Variants in HEATR5B observed in about 807,000 individuals in gnomAD.
HEATR5B encodes HEAT repeat-containing protein 5B.
HEATR5B carries 156 observed loss-of-function variants against 224.1 expected under a neutral mutation model. The ratio of observed to expected loss-of-function variants is 0.70; its 90% CI spans 0.61 to 0.80. The LOEUF is 0.80. Ranked by LOEUF, HEATR5B falls within the 30% of genes least tolerant of loss-of-function variation. The pLI is 0.00. For synonymous variants in HEATR5B, 1,027 were observed against 893.0 expected (o/e 1.15, Z -2.68); for missense variants, 2,323 against 2,535.5 (o/e 0.92, Z 1.80).
At chr2:37,052,554 G>T (rs1398297876) in intron 17 of HEATR5B, among the ~76,000 whole-genome samples, 1 of 152,094 alleles carries the variant, frequency 6.6e-6, no homozygotes, top group Non-Finnish European at 1.5e-5. Flanking sequence ...TTTGGCATAT[G>T]ATATTATTTC....
intron 33 of HEATR5B, among the ~76,000 whole-genome samples, chr2:36,999,129 C>T (rs879612666): frequency 6.6e-6 from 1 of 151,990 alleles, no homozygotes; most frequent in Admixed American, 6.6e-5. Flanking sequence ...AGGAGAATTG[C>T]TTGAACTGGG....
chr2:37,010,215 C>T (rs1667700788), intron 27 of HEATR5B, among the ~76,000 whole-genome samples: 1 of 152,056 alleles, frequency 6.6e-6, no homozygotes, highest in Admixed American at 6.6e-5. Flanking sequence ...TGACAGCAAG[C>T]AAGAAAAGAA....
At chr2:36,990,420 TG>T (rs3839060) in intron 34 of HEATR5B, among the ~76,000 whole-genome samples, 4,289 of 152,348 alleles carry the variant, frequency 0.028, 92 homozygotes, top group East Asian at 0.12. Context: ...CAGTATGCCC[TG>T]GGGTTAATCA....
chr2:37,033,359 A>C (rs567341642), intron 21 of HEATR5B, among the ~76,000 whole-genome samples: 19 of 152,344 alleles, frequency 1.2e-4, no homozygotes, highest in Non-Finnish European at 2.1e-4. Flanking sequence ...CTCATACAAT[A>C]TACTTAAATG....
Position 37,002,406 on chromosome 2 carries a change from A to C in HEATR5B, c.5217T>G (p.Ser1739Arg), listed in dbSNP as rs1667147833. The C allele has an allele frequency of 6.2e-7, 1 of 1,614,094 alleles. No homozygotes were observed. Among genetic ancestry groups the C allele is most frequent in the Non-Finnish European group, 8.5e-7 (1 of 1,180,046 alleles). ...HLSTKVSDSP[S>R]HIATKTRLSE... is the part of the protein sequence containing the mutation. Reference sequence around the variant, plus strand: ...ATAGTCGAGTTTTAGTGGCTATGTGACTTGGAGAGTCTGACACCTTGGTAC... The same window carrying C: ...ATAGTCGAGTTTTAGTGGCTATGTGCCTTGGAGAGTCTGACACCTTGGTAC... The change falls in exon 32 of 36, where the codon AGT (serine) becomes AGG (arginine). Residue 1739 changes from serine (S) to arginine (R), a missense_variant. Around this residue, in one of 12 missense-constraint regions of HEATR5B, gnomAD observed 844 missense variants for 812.9 expected, o/e 1.04. Transcript: ENST00000233099.
chr2:37,071,473 TG>T (rs1210362258), intron 6 of HEATR5B, among the ~76,000 whole-genome samples: 1 of 152,124 alleles, frequency 6.6e-6, no homozygotes, highest in Non-Finnish European at 1.5e-5. Flanking sequence ...GTGGTACAAA[TG>T]GGGATCTACT....
intron 35 of HEATR5B, 64 bp downstream of exon 35, chr2:36,988,582 T>C (rs1325905871): frequency 7.3e-7 from 1 of 1,377,864 alleles, no homozygotes; most frequent in African/African-American, 1.5e-5. Context: ...TAATATCAAA[T>C]AAGATTTATA....
chr2:37,005,715 T>C lies in HEATR5B; in HGVS notation c.4822A>G (p.Ile1608Val), dbSNP rs181115658. 2 of 1,610,840 alleles carry C rather than the reference T, an allele frequency of 1.2e-6. No individual in the cohort carries two copies. The highest frequency in any genetic ancestry group is 1.3e-5 in the African/African-American group (1 of 74,898). ...TGCAGGCATGCTGTAACATGTTCAA[T>C]GGGCTCCTCAGGTCTAGGGGAACAA... ...FLCSPRPEEPIEHVTACLQAL... is the reference protein window; with the variant it reads ...FLCSPRPEEPVEHVTACLQAL... The change falls in exon 30 of 36, where the codon ATT (isoleucine) becomes GTT (valine). Residue 1608 changes from isoleucine (I) to valine (V), a missense_variant. By Grantham distance (29) the Ile-to-Val change is conservative. Transcript: ENST00000233099.
At position 37,061,999 on chromosome 2, in the gene HEATR5B, T is replaced by G; in HGVS notation, c.1636A>C (p.Arg546=). Residue 546 remains arginine (R), a synonymous_variant, in exon 11 of 36, where the codon AGG becomes CGG. Coordinates refer to ENST00000233099, the MANE Select transcript of HEATR5B (RefSeq NM_019024.3). ...GCTTGGGTGCGCTGTAAAGATAGCC[T>G]GCTATTTTGGGCAGCAGTTCGTAAA... is the stretch of plus-strand genomic sequence containing the variant. ...DLLRTAAQNS[R]LSLQRTQAGW... The G allele has an allele frequency of 1.9e-6, 3 of 1,613,968 alleles. No homozygotes were observed. Among genetic ancestry groups the G allele is most frequent in the Non-Finnish European group, 2.5e-6 (3 of 1,179,862 alleles).
Position 37,013,861 on chromosome 2 carries a change from C to A in HEATR5B, c.4264G>T (p.Val1422Phe). The A allele has an allele frequency of 1.3e-6, 2 of 1,593,062 alleles. No homozygotes were observed. The highest frequency in any genetic ancestry group is 1.1e-5 in the South Asian group (1 of 87,166). Residue 1422 changes from valine to phenylalanine, a missense_variant, in exon 27 of 36, where the codon GTT becomes TTT. Around this residue, in one of 12 missense-constraint regions of HEATR5B, gnomAD observed 844 missense variants for 812.9 expected, o/e 1.04. Coordinates refer to ENST00000233099, the MANE Select transcript of HEATR5B (RefSeq NM_019024.3). ...GTTACCTCTGCCCAAGCTTTGAGAACAGCCAGTTTTTCCATGGTCGTGGCA... is the reference window on the plus strand; with the variant it reads ...GTTACCTCTGCCCAAGCTTTGAGAAAAGCCAGTTTTTCCATGGTCGTGGCA... The part of the protein sequence containing the change: ...ESATTMEKLA[V>F]LKAWAEVYVV...
rs150308514 is a variant in HEATR5B, at chr2:37,018,326, A to C, written c.4104+1483T>G. On this transcript the variant is annotated intron_variant, in intron 26 of 35. Transcript: ENST00000233099. Reference sequence around the variant, plus strand: ...GCATTGTAGGAGATTTTGTCTGCTTAAATGCTGTGCTCTGAAACGTCATCA... The same window carrying C: ...GCATTGTAGGAGATTTTGTCTGCTTCAATGCTGTGCTCTGAAACGTCATCA... 1.4e-3 allele frequency among the ~76,000 whole-genome samples: 213 copies of C among 152,352 alleles called. 1 individual carries two copies. Among genetic ancestry groups the C allele is most frequent in the African/African-American group, 5.0e-3 (209 of 41,590 alleles).
chr2:36,981,671 T>G lies in HEATR5B; in HGVS notation c.6035A>C (p.His2012Pro). 1.2e-6 allele frequency: 2 copies of G among 1,614,154 alleles called. No individual in the cohort carries two copies. Among genetic ancestry groups the G allele is most frequent in the Non-Finnish European group, 1.7e-6 (2 of 1,180,032 alleles). The change falls in exon 36 of 36, where the codon CAT (histidine) becomes CCT (proline). Residue 2012 changes from histidine (H) to proline (P), a missense_variant. His to Pro is a moderately conservative substitution (Grantham distance 77). This residue lies in a region of HEATR5B where 844 missense variants were observed against 812.9 expected (regional missense o/e 1.04). Coordinates refer to ENST00000233099, the MANE Select transcript of HEATR5B (RefSeq NM_019024.3). ...AGCATGTGGATACAGAGGTCCAATA[T>G]GCATTAAATTCTGGAGTGCAAACTC... ...LHEFALQNLMHIGPLYPHAFK... is the reference protein window; with the variant it reads ...LHEFALQNLMPIGPLYPHAFK...
chr2:37,083,800 C>T (rs1672784684), intron 1 of HEATR5B, among the ~76,000 whole-genome samples: 1 of 152,208 alleles, frequency 6.6e-6, no homozygotes, highest in Non-Finnish European at 1.5e-5. Flanking sequence ...GACAACCATC[C>T]TCCTCTTTTT....
Position 37,049,770 on chromosome 2 carries a change from G to A in HEATR5B, c.2579C>T (p.Pro860Leu), listed in dbSNP as rs199731841. 6.2e-7 allele frequency: 1 copy of A among 1,607,556 alleles called. No individual in the cohort carries two copies. Among genetic ancestry groups the A allele is most frequent in the Non-Finnish European group, 8.5e-7 (1 of 1,178,780 alleles). ...TAAGATGGGGTTTGGGTTGTCCAGA[G>A]GACCCATAACCAGTGTCAGGGCAGA... ...RKSALTLVMGPLDNPNPILRC... is the reference protein window; with the variant it reads ...RKSALTLVMGLLDNPNPILRC... Residue 860 changes from proline (P) to leucine (L), a missense_variant, in exon 18 of 36, where the codon CCT becomes CTT. Transcript: ENST00000233099.
At position 37,003,706 on chromosome 2, in the gene HEATR5B, A is replaced by C. The variant is rs1667237555; in HGVS notation, c.4906-20T>G. 1 of 1,536,256 alleles carries C rather than the reference A, an allele frequency of 6.5e-7. No individual in the cohort carries two copies. The highest frequency in any genetic ancestry group is 1.2e-5 in the South Asian group (1 of 81,548). ...TATCAGCTAATACAAATAAATACAA[A>C]TACAGTTAAGTAATTTCAATCTCAA... On this transcript the variant is annotated intron_variant, in intron 30 of 35. Coordinates refer to ENST00000233099, the MANE Select transcript of HEATR5B (RefSeq NM_019024.3).
intron 35 of HEATR5B, among the ~76,000 whole-genome samples, chr2:36,986,857 T>A (rs529382384): frequency 2.2e-4 from 34 of 152,222 alleles, no homozygotes; most frequent in African/African-American, 7.0e-4. Context: ...TCTCAGATGA[T>A]CTGCCTGCCT....
chr2:37,054,192 GT>G (rs70946964), intron 16 of HEATR5B, among the ~76,000 whole-genome samples: 18 of 30,250 alleles, frequency 6.0e-4, no homozygotes, highest in East Asian at 1.4e-3. Context: ...TGATTTCTCT[GT>G]TTTTTTTTTT....
rs567603070 is a variant in HEATR5B, at chr2:36,981,560, G to A, written c.6146C>T (p.Ala2049Val). 32 of 1,614,138 alleles carry A rather than the reference G, an allele frequency of 2.0e-5. No individual in the cohort carries two copies. The highest frequency in any genetic ancestry group is 1.2e-4 in the African/African-American group (9 of 75,032). The change falls in exon 36 of 36, where the codon GCG becomes GTG. Residue 2049 changes from alanine to valine, a missense_variant. This residue lies in a region of HEATR5B where 844 missense variants were observed against 812.9 expected (regional missense o/e 1.04). Transcript: ENST00000233099. ...VRASQASKAK[A>V]AARQPAPAIH... ...GGCGGGGGCTGGTTGTCTGGCAGCCGCTTTAGCTTTGCTCGCTTGGCTTGC... is the reference window on the plus strand; with the variant it reads ...GGCGGGGGCTGGTTGTCTGGCAGCCACTTTAGCTTTGCTCGCTTGGCTTGC...
chr2:37,000,890 T>C, intron 32 of HEATR5B, 77 bp from the exon 33 acceptor site: 1 of 957,270 alleles, frequency 1.0e-6, no homozygotes, highest in Non-Finnish European at 1.6e-6. Flanking sequence ...CTTGTATTTT[T>C]TGCATTTGAT....
Sources: gnomAD v4.1 joint callset for allele counts (sites outside exome capture counted in the v4.1 genomes callset) on GRCh38, gnomAD v4.1.1 for gene constraint, gnomAD v4.1.1 regional missense constraint, MANE v1.5 for transcripts, NCBI Gene and HGNC (gene_info 2026-07-23, HGNC 2026-07-21) for gene names.